Variants in NRCAM observed in about 807,000 individuals in gnomAD.
NRCAM encodes NgCAM-related cell adhesion molecule.
A neutral mutation model predicts 156.5 loss-of-function variants in NRCAM; 83 were observed. The observed-to-expected ratio is 0.53, with a 90% CI of 0.44 to 0.64. The LOEUF is 0.64. NRCAM is among the 30% of genes least tolerant of loss of function. The pLI is 0.00. For synonymous variants in NRCAM, 538 were observed against 563.9 expected, an observed-to-expected ratio of 0.95 and a Z score of 0.65; for missense variants, 1,417 against 1,597.3, an observed-to-expected ratio of 0.89 and a Z score of 1.92.
intron 2 of NRCAM, among the ~76,000 whole-genome samples, chr7:108,399,189 A>G (rs1468441): frequency 0.33 from 49,306 of 150,780 alleles, 8,453 homozygotes; most frequent in Middle Eastern, 0.46. Context: ...GTGTGTGTGT[A>G]TGTTCAGATA....
In NRCAM at chr7:108,456,295, GA is replaced by G; in HGVS notation, c.-385del. On this transcript the variant is annotated 5_prime_UTR_variant, in exon 1 of 33. Coordinates refer to ENST00000379028, the MANE Select transcript of NRCAM (RefSeq NM_001037132.4). ...TCTGGCGCGACTGCCCAGGACCCTG[GA>G]CCGCCGGTGTCCTCCGTTCTCGACG... 6.6e-6 allele frequency: 1 copy of G among 152,190 alleles called. No homozygotes were observed. The highest frequency in any genetic ancestry group is 1.5e-5 in the Non-Finnish European group (1 of 68,106). 9.4% of individuals were successfully genotyped at this position (152,190 alleles called of 1,614,324 possible).
chr7:108,207,587 C>G lies in NRCAM; in HGVS notation c.1148G>C (p.Arg383Thr), dbSNP rs1227815048. Reference protein sequence around the residue: ...SPGEDGTLICRANGNPKPRIS... With the variant: ...SPGEDGTLICTANGNPKPRIS... Reference sequence around the variant, plus strand: ...TCTGGGTTTGGGGTTGCCATTAGCTCTGCAGATCAAGGTCCCATCCTCTCC... The same window carrying G: ...TCTGGGTTTGGGGTTGCCATTAGCTGTGCAGATCAAGGTCCCATCCTCTCC... The change falls in exon 13 of 33, where the codon AGA becomes ACA. Residue 383 changes from arginine (R) to threonine (T), a missense_variant. Coordinates refer to ENST00000379028, the MANE Select transcript of NRCAM (RefSeq NM_001037132.4). The G allele has an allele frequency of 6.2e-7, 1 of 1,613,970 alleles. No homozygotes were observed. The highest frequency in any genetic ancestry group is 1.1e-5 in the South Asian group (1 of 91,072).
Position 108,279,193 on chromosome 7 carries a change from A to C in NRCAM, c.-107+33472T>G, listed in dbSNP as rs141338731. On this transcript the variant is annotated intron_variant, in intron 3 of 32. Coordinates refer to ENST00000379028, the MANE Select transcript of NRCAM (RefSeq NM_001037132.4). ...AGTGTAGCATGACTAAAATCGCTGG[A>C]AAGTCTCTGATTACATGAATATGAT... Among the ~76,000 whole-genome samples, 809 of 152,354 alleles carry C rather than the reference A, an allele frequency of 5.3e-3. 6 individuals are homozygous for C. Among genetic ancestry groups the C allele is most frequent in the African/African-American group, 0.018 (740 of 41,592 alleles).
intron 1 of NRCAM, among the ~76,000 whole-genome samples, chr7:108,451,535 A>G (rs6976659): frequency 0.25 from 37,334 of 151,992 alleles, 4,881 homozygotes; most frequent in Non-Finnish European, 0.29. Context: ...TGCAATAGCC[A>G]AAAGATGAAA....
chr7:108,407,440 T>C (rs1490961507), intron 1 of NRCAM, among the ~76,000 whole-genome samples: 3 of 152,232 alleles, frequency 2.0e-5, no homozygotes, highest in Admixed American at 6.5e-5. Context: ...ATCTGATATA[T>C]GGAGCATTAT....
At chr7:108,442,110 A>G (rs974773397) in intron 1 of NRCAM, among the ~76,000 whole-genome samples, 5 of 152,226 alleles carry the variant, frequency 3.3e-5, no homozygotes, top group African/African-American at 1.2e-4. Context: ...CAGGCTGCCC[A>G]TACAGTAATA....
intron 19 of NRCAM, among the ~76,000 whole-genome samples, chr7:108,190,408 C>A (rs2153434702): frequency 6.6e-6 from 1 of 152,260 alleles, no homozygotes; most frequent in East Asian, 1.9e-4. Context: ...TCCCCCCAGG[C>A]CTTTATTTGA....
chr7:108,382,237 G>C lies in NRCAM; in HGVS notation c.-174+17199C>G, dbSNP rs558870604. Among the ~76,000 whole-genome samples the C allele has an allele frequency of 2.6e-5, 3 of 116,434 alleles. No individual in the cohort carries two copies. The South Asian group carries it at 9.4e-4, about 36-fold the overall frequency. The allele number at this position is 116,434 out of a possible 152,430, so 76.4% of individuals were successfully genotyped here. A position where few individuals can be genotyped will look rare whatever the true frequency, so the allele number is the denominator to read the frequency against. On this transcript the variant is annotated intron_variant, in intron 2 of 32. Transcript: ENST00000379028. ...AGGAACAGAGATTTTTTTTTTTTTTGAATGTAGAAAAAAACTCTTTAGAAA... is the reference window on the plus strand; with the variant it reads ...AGGAACAGAGATTTTTTTTTTTTTTCAATGTAGAAAAAAACTCTTTAGAAA...
intron 1 of NRCAM, among the ~76,000 whole-genome samples, chr7:108,427,902 T>A (rs1819487755): frequency 6.6e-6 from 1 of 152,220 alleles, no homozygotes; most frequent in African/African-American, 2.4e-5. Context: ...GAGTGATTAA[T>A]CATCAATCAA....
intron 1 of NRCAM, among the ~76,000 whole-genome samples, chr7:108,444,063 T>G (rs1466879836): frequency 6.6e-6 from 1 of 152,110 alleles, no homozygotes. Flanking sequence ...TGATGGAAAA[T>G]ATCCTTAAAT....
chr7:108,149,103 T>G lies in NRCAM; in HGVS notation c.*807A>C, dbSNP rs535513138. Reference sequence around the variant, plus strand: ...TGTATGTGTCTTGCCCTGTGTTCTCTGAAATAATGTTTGAAATTTAATTTG... The same window carrying G: ...TGTATGTGTCTTGCCCTGTGTTCTCGGAAATAATGTTTGAAATTTAATTTG... On this transcript the variant is annotated 3_prime_UTR_variant, in exon 33 of 33. Transcript: ENST00000379028. 1.3e-5 allele frequency: 2 copies of G among 152,666 alleles called. No individual in the cohort carries two copies. Among genetic ancestry groups the G allele is most frequent in the Non-Finnish European group, 2.9e-5 (2 of 68,044 alleles). 9.5% of individuals were successfully genotyped at this position (152,666 alleles called of 1,614,324 possible).
chr7:108,419,057 G>GT (rs1279069517), intron 1 of NRCAM, among the ~76,000 whole-genome samples: 1 of 152,024 alleles, frequency 6.6e-6, no homozygotes, highest in African/African-American at 2.4e-5. Context: ...AAAAATCACC[G>GT]TATGTCCGCT....
intron 2 of NRCAM, among the ~76,000 whole-genome samples, chr7:108,391,694 T>C (rs1455316922): frequency 6.6e-6 from 1 of 152,194 alleles, no homozygotes. Flanking sequence ...ATTTGGCATG[T>C]TTTTGCAGTG....
chr7:108,433,044 C>T (rs6466232), intron 1 of NRCAM, among the ~76,000 whole-genome samples: 136,950 of 152,208 alleles, frequency 0.9, 62,064 homozygotes, highest in East Asian at 1. Flanking sequence ...TTCAACCAAA[C>T]GTTTCCTGAA....
Position 108,214,358 on chromosome 7 carries a change from T to C in NRCAM, c.891-4753A>G, listed in dbSNP as rs184065890. Among the ~76,000 whole-genome samples the C allele has an allele frequency of 4.2e-3, 642 of 152,370 alleles. 3 individuals carry two copies. Among genetic ancestry groups the C allele is most frequent in the Non-Finnish European group, 7.2e-3 (488 of 68,044 alleles). On this transcript the variant is annotated intron_variant, in intron 11 of 32. Transcript: ENST00000379028. ...ATGTGTCCAGGAATTTATCCATCTC[T>C]TCTAGATTTTCTAGTTTATTTGCGT...
chr7:108,184,160 T>G, intron 22 of NRCAM, 81 bp downstream of exon 22: 1 of 979,038 alleles, frequency 1.0e-6, no homozygotes, highest in Non-Finnish European at 1.6e-6. Context: ...TGAAATGAGA[T>G]TCTAATGTAG....
At chr7:108,162,002 G>A (rs1365947632) in intron 30 of NRCAM, among the ~76,000 whole-genome samples, 2 of 152,206 alleles carry the variant, frequency 1.3e-5, no homozygotes, top group African/African-American at 4.8e-5. Context: ...GAGGACAATG[G>A]TAATAGCACT....
chr7:108,203,405 A>G (rs1253573707), intron 13 of NRCAM, among the ~76,000 whole-genome samples: 1 of 151,638 alleles, frequency 6.6e-6, no homozygotes, highest in African/African-American at 2.4e-5. Flanking sequence ...GCTTTAGGAG[A>G]CAATGAAATA....
intron 13 of NRCAM, among the ~76,000 whole-genome samples, chr7:108,201,699 C>A (rs577878879): frequency 6.6e-6 from 1 of 152,292 alleles, no homozygotes; most frequent in Non-Finnish European, 1.5e-5. Context: ...TGTCAGAAAG[C>A]TTTTCTGTTG....
Sources: allele counts gnomAD v4.1 joint callset (sites outside exome capture counted in the v4.1 genomes callset), GRCh38; gene constraint gnomAD v4.1.1; transcripts MANE v1.5; gene names NCBI Gene and HGNC (gene_info 2026-07-23, HGNC 2026-07-21).